HKDC1: variants seen among roughly 807,000 people sequenced by gnomAD.
The protein encoded by HKDC1 is hexokinase HKDC1.
Under a neutral mutation model 96.6 loss-of-function variants are expected in HKDC1, and 66 were observed. That is an observed-to-expected ratio of 0.68 (90% confidence interval 0.56 to 0.84). The LOEUF is 0.84. Ranked by LOEUF, HKDC1 falls within the 40% of genes least tolerant of loss-of-function variation. The probability of loss-of-function intolerance (pLI) is 0.00; values close to 1 mark genes in which losing one functional copy is unlikely to be tolerated. For synonymous variants in HKDC1, 466 were observed against 473.1 expected (o/e 0.98, Z 0.20); for missense variants, 1,211 against 1,208.1 (o/e 1.00, Z -0.04).
intron 5 of HKDC1, among the ~76,000 whole-genome samples, chr10:69,239,936 T>C (rs184010055): frequency 1.3e-5 from 2 of 152,256 alleles, no homozygotes; most frequent in East Asian, 3.9e-4. Context: ...TACTTTAAAA[T>C]GTTCTTCCAA....
intron 1 of HKDC1, 59 bp downstream of exon 1, chr10:69,220,557 T>G: frequency 7.9e-7 from 1 of 1,268,364 alleles, no homozygotes; most frequent in Non-Finnish European, 1.1e-6. Flanking sequence ...ACAAAACTGA[T>G]TCCCTTAAAA....
chr10:69,257,152 T>C (rs1375141966), intron 13 of HKDC1, 21 bp downstream of exon 13: 2 of 1,597,370 alleles, frequency 1.3e-6, no homozygotes, highest in Non-Finnish European at 8.6e-7. Flanking sequence ...GTGTTGAGGC[T>C]CATGCCTGCT....
chr10:69,258,035 C>T (rs193054636), intron 14 of HKDC1, among the ~76,000 whole-genome samples: 42 of 152,246 alleles, frequency 2.8e-4, no homozygotes, highest in Non-Finnish European at 1.5e-5. Context: ...ATGATAGAAC[C>T]TAGAAAAGTT....
At chr10:69,246,490 A>G (rs1173281831) in intron 8 of HKDC1, among the ~76,000 whole-genome samples, 1 of 152,206 alleles carries the variant, frequency 6.6e-6, no homozygotes, top group Non-Finnish European at 1.5e-5. Context: ...CTTCTTGTTA[A>G]AGTGGTAACT....
chr10:69,248,943 C>A, intron 10 of HKDC1: 1 of 558,292 alleles, frequency 1.8e-6, no homozygotes, highest in Non-Finnish European at 3.1e-6. Context: ...AACAAAAACA[C>A]AAAAAGCCTA....
At chr10:69,240,470 C>T (rs576200438) in intron 5 of HKDC1, among the ~76,000 whole-genome samples, 182 bp from the exon 6 acceptor site, 124 of 152,286 alleles carry the variant, frequency 8.1e-4, no homozygotes, top group African/African-American at 9.1e-4. Flanking sequence ...CAGCTCCTGT[C>T]GGCTCTTTCT....
chr10:69,261,933 G>T, intron 16 of HKDC1: 1 of 225,064 alleles, frequency 4.4e-6, no homozygotes, highest in Non-Finnish European at 9.2e-6. Context: ...ATTTTCCTCT[G>T]TCTTCTTGTA....
Position 69,255,554 on chromosome 10 carries a change from G to A in HKDC1, c.1837-1482G>A, listed in dbSNP as rs1843706122. Among the ~76,000 whole-genome samples, 4 of 152,270 alleles carry A rather than the reference G, an allele frequency of 2.6e-5. No homozygotes were observed. In the South Asian group the frequency reaches 8.3e-4, roughly 32 times the overall value. Reference sequence around the variant, plus strand: ...CCCCCCTGGCTTTCTAGATGATGGAGTGCGAGGCTAGACTAACTCCTGCCT... The same window carrying A: ...CCCCCCTGGCTTTCTAGATGATGGAATGCGAGGCTAGACTAACTCCTGCCT... On this transcript the variant is annotated intron_variant, in intron 12 of 17. Coordinates refer to ENST00000354624, the MANE Select transcript of HKDC1 (RefSeq NM_025130.4).
At chr10:69,266,145 T>C (rs929366671) in intron 17 of HKDC1, among the ~76,000 whole-genome samples, 7 of 152,158 alleles carry the variant, frequency 4.6e-5, no homozygotes, top group African/African-American at 1.7e-4. Flanking sequence ...GTAAAGTGCT[T>C]CACACGGGGC....
intron 15 of HKDC1, among the ~76,000 whole-genome samples, chr10:69,259,627 G>A (rs1843775836): frequency 1.3e-5 from 2 of 152,318 alleles, no homozygotes; most frequent in Admixed American, 6.5e-5. Context: ...GAAGAAAAGA[G>A]GTTTAATTGG....
chr10:69,261,000 C>A, intron 15 of HKDC1, 139 bp from the exon 16 acceptor site: 1 of 679,126 alleles, frequency 1.5e-6, no homozygotes, highest in Non-Finnish European at 2.5e-6. Flanking sequence ...GCAGTGCTTG[C>A]TCACATCAAG....
chr10:69,243,835 G>A (rs1843494580), intron 7 of HKDC1, among the ~76,000 whole-genome samples: 1 of 152,168 alleles, frequency 6.6e-6, no homozygotes, highest in Non-Finnish European at 1.5e-5. Flanking sequence ...TTGTATTTCA[G>A]TTTCATCTGA....
Position 69,224,287 on chromosome 10 carries a change from T to A in HKDC1, c.64-2920T>A, listed in dbSNP as rs967103488. On this transcript the variant is annotated intron_variant, in intron 1 of 17. Transcript: ENST00000354624. ...TAGTTTTATTTTTATTTATTTATTT[T>A]TTATTATTATTTTTAAGATGGAATC... Among the ~76,000 whole-genome samples, 45 of 152,134 alleles carry A rather than the reference T, an allele frequency of 3.0e-4. No homozygotes were observed. In the East Asian group the frequency reaches 5.4e-3, roughly 18 times the overall value.
chr10:69,262,223 A>C (rs1028548643), intron 16 of HKDC1: 10 of 245,772 alleles, frequency 4.1e-5, no homozygotes, highest in African/African-American at 2.1e-4. Context: ...ATATTATACT[A>C]TGTTACTGTA....
At chr10:69,221,648 G>A (rs1466609376) in intron 1 of HKDC1, among the ~76,000 whole-genome samples, 1 of 152,138 alleles carries the variant, frequency 6.6e-6, no homozygotes, top group Non-Finnish European at 1.5e-5. Context: ...AGGAGGCCAG[G>A]CACCGTGGCT....
At chr10:69,262,461 C>A (rs1480670234) in intron 16 of HKDC1, among the ~76,000 whole-genome samples, 1 of 151,856 alleles carries the variant, frequency 6.6e-6, no homozygotes, top group Non-Finnish European at 1.5e-5. Context: ...CAGTTATGTA[C>A]AAATGTGTCA....
Position 69,246,247 on chromosome 10 carries a change from C to T in HKDC1, c.1031+13C>T. 1 of 1,612,820 alleles carries T rather than the reference C, an allele frequency of 6.2e-7. No homozygotes were observed. Among genetic ancestry groups the T allele is most frequent in the Non-Finnish European group, 8.5e-7 (1 of 1,179,640 alleles). On this transcript the variant is annotated intron_variant, in intron 8 of 17. Transcript: ENST00000354624. ...CTGCCATGGAGAAGTAAGCAAGTCC[C>T]TCTGCCTTGGCTCTGTGGAGGGCTG...
chr10:69,261,313 C>A lies in HKDC1; in HGVS notation c.2372+19C>A, dbSNP rs768829804. On this transcript the variant is annotated intron_variant, in intron 16 of 17. Transcript: ENST00000354624. ...TCGAAAGGTGACCTGTGATCAAGTT[C>A]ATCATGAGGCTCTGACTGGCATATG... 4 of 1,610,966 alleles carry A rather than the reference C, an allele frequency of 2.5e-6. No homozygotes were observed. The South Asian group carries it at 3.3e-5, about 13-fold the overall frequency.
intron 10 of HKDC1, 39 bp downstream of exon 10, chr10:69,248,767 G>C (rs201059204): frequency 1.3e-6 from 2 of 1,530,154 alleles, no homozygotes; most frequent in East Asian, 4.6e-5. Flanking sequence ...CAGCCATCCA[G>C]GGCTCCCGTC....
Sources: allele counts gnomAD v4.1 joint callset (sites outside exome capture counted in the v4.1 genomes callset), GRCh38; gene constraint gnomAD v4.1.1; transcripts MANE v1.5; gene names NCBI Gene and HGNC (gene_info 2026-07-23, HGNC 2026-07-21).